Variants in RBPJ observed in about 807,000 individuals in gnomAD.
RBPJ encodes recombining binding protein suppressor of hairless.
A neutral mutation model predicts 67.8 loss-of-function variants in RBPJ; 9 were observed. The observed-to-expected ratio is 0.13, with a 90% CI of 0.08 to 0.23. The LOEUF is 0.23. RBPJ is among the 10% of genes least tolerant of loss of function. RBPJ has a pLI of 1.00. For synonymous variants in RBPJ, 198 were observed against 203.3 expected, an observed-to-expected ratio of 0.97 and a Z score of 0.22; for missense variants, 305 against 595.6, an observed-to-expected ratio of 0.51 and a Z score of 5.08.
intron 1 of RBPJ, among the ~76,000 whole-genome samples, chr4:26,186,179 C>G (rs1264694965): frequency 1.4e-5 from 2 of 145,154 alleles, no homozygotes; most frequent in Non-Finnish European, 3.0e-5. Context: ...TCTTTCTGCT[C>G]CCCCCTTTTT....
chr4:26,138,411 G>A, the RBPJ span, among the ~76,000 whole-genome samples: 1 of 151,710 alleles, frequency 6.6e-6, no homozygotes, highest in African/African-American at 2.4e-5. Context: ...AAAGAGGAGA[G>A]GATGCGAAAA....
At chr4:26,175,819 T>G (rs1489158000) in intron 1 of RBPJ, among the ~76,000 whole-genome samples, 3 of 151,996 alleles carry the variant, frequency 2.0e-5, no homozygotes, top group Non-Finnish European at 4.4e-5. Flanking sequence ...ACTCTCTTAC[T>G]GTTATTGGGT....
At chr4:26,394,088 G>A (rs964517708) in intron 2 of RBPJ, among the ~76,000 whole-genome samples, 9 of 150,234 alleles carry the variant, frequency 6.0e-5, no homozygotes, top group Non-Finnish European at 1.2e-4. Context: ...GTGCAGTGGC[G>A]CGATCTCTGC....
chr4:26,198,278 A>G (rs1473104351), intron 1 of RBPJ, among the ~76,000 whole-genome samples: 1 of 151,884 alleles, frequency 6.6e-6, no homozygotes, highest in African/African-American at 2.4e-5. Context: ...ACAAAAAAAC[A>G]AAAAAACAAA....
chr4:26,209,096 A>ATATAT (rs1344233126), intron 1 of RBPJ, among the ~76,000 whole-genome samples: 28 of 90,170 alleles, frequency 3.1e-4, no homozygotes, highest in East Asian at 1.2e-3. Flanking sequence ...CAGAAGAAAA[A>ATATAT]AAATATATAT....
chr4:26,422,904 A>G (rs2109813791), intron 5 of RBPJ, among the ~76,000 whole-genome samples: 1 of 152,176 alleles, frequency 6.6e-6, no homozygotes, highest in South Asian at 2.1e-4. Flanking sequence ...TTTAAAAATC[A>G]GATTGCTTGA....
the RBPJ span, among the ~76,000 whole-genome samples, chr4:26,114,586 A>C: frequency 6.6e-6 from 1 of 151,688 alleles, no homozygotes; most frequent in African/African-American, 2.4e-5. Flanking sequence ...TCATTTCCAT[A>C]TTGCAACCCA....
chr4:26,130,554 C>A, the RBPJ span, among the ~76,000 whole-genome samples: 2 of 152,102 alleles, frequency 1.3e-5, no homozygotes, highest in Non-Finnish European at 2.9e-5. Context: ...CTGCAGCAAC[C>A]GAGTCCTGCC....
rs141318156 is a variant in RBPJ, at chr4:26,310,718, G to A, written c.-166-51728G>A. Reference sequence around the variant, plus strand: ...AGAGTCTTGCTCTGTCACCCAGGCTGGAGCGCAATGGCACGATCTTGGCTC... The same window carrying A: ...AGAGTCTTGCTCTGTCACCCAGGCTAGAGCGCAATGGCACGATCTTGGCTC... On this transcript the variant is annotated intron_variant, in intron 1 of 4. Transcript: ENST00000512351. Among the ~76,000 whole-genome samples, 1,477 of 148,104 alleles carry A rather than the reference G, an allele frequency of 1.0e-2. 24 individuals are homozygous for A. Among genetic ancestry groups the A allele is most frequent in the African/African-American group, 0.035 (1,409 of 40,044 alleles).
At chr4:26,327,855 T>C (rs1723799048) in intron 1 of RBPJ, among the ~76,000 whole-genome samples, 1 of 151,926 alleles carries the variant, frequency 6.6e-6, no homozygotes, top group Admixed American at 6.6e-5. Flanking sequence ...AAAAAAAAAG[T>C]TTTTCACTCT....
At chr4:26,312,951 C>A (rs946583020) in intron 1 of RBPJ, among the ~76,000 whole-genome samples, 7 of 152,180 alleles carry the variant, frequency 4.6e-5, no homozygotes, top group Admixed American at 3.3e-4. Flanking sequence ...GACAGGTTCT[C>A]TCTCTGTCTC....
intron 7 of RBPJ, among the ~76,000 whole-genome samples, chr4:26,425,645 A>G (rs1735572442): frequency 6.6e-6 from 1 of 152,120 alleles, no homozygotes; most frequent in Admixed American, 6.5e-5. Context: ...AATTGTAAAA[A>G]CTACTTTTGT....
rs574786513 is a variant in RBPJ, at chr4:26,331,103, G to A, written c.20+10055G>A. On this transcript the variant is annotated intron_variant, in intron 1 of 10. Transcript: ENST00000355476. ...TTGTTTTAGGGGGAGGGGAAGGCCT[G>A]TGTTAGTCTTTTGTTTTTGAAACAG... Among the ~76,000 whole-genome samples, 127 of 152,284 alleles carry A rather than the reference G, an allele frequency of 8.3e-4. 1 individual carries two copies. Among genetic ancestry groups the A allele is most frequent in the African/African-American group, 3.0e-3 (125 of 41,566 alleles).
chr4:26,182,771 T>A (rs1025120143), intron 1 of RBPJ, among the ~76,000 whole-genome samples: 1 of 152,140 alleles, frequency 6.6e-6, no homozygotes, highest in Non-Finnish European at 1.5e-5. Flanking sequence ...AGTACTGCGA[T>A]TACCGGTGTG....
chr4:26,175,319 C>T (rs939843247), intron 1 of RBPJ, among the ~76,000 whole-genome samples: 14 of 151,890 alleles, frequency 9.2e-5, no homozygotes, highest in Admixed American at 5.9e-4. Flanking sequence ...GTGCATGACT[C>T]GGGAGAGCAG....
chr4:26,279,972 G>A (rs1054147398), intron 1 of RBPJ, among the ~76,000 whole-genome samples: 1 of 151,532 alleles, frequency 6.6e-6, no homozygotes, highest in Non-Finnish European at 1.5e-5. Flanking sequence ...AATTTTTGCA[G>A]AGACAGGTTT....
intron 1 of RBPJ, among the ~76,000 whole-genome samples, chr4:26,359,112 A>G (rs1219538130): frequency 1.3e-5 from 2 of 152,168 alleles, no homozygotes; most frequent in African/African-American, 2.4e-5. Flanking sequence ...AGGTACAGGA[A>G]TGTACACATC....
chr4:26,281,184 A>G (rs73114543), intron 1 of RBPJ, among the ~76,000 whole-genome samples: 12,869 of 152,214 alleles, frequency 0.085, 808 homozygotes, highest in African/African-American at 0.17. Flanking sequence ...ATTGACTCAC[A>G]GTTCCGCAGG....
At chr4:26,172,530 T>C (rs532279915) in intron 1 of RBPJ, among the ~76,000 whole-genome samples, 2 of 152,346 alleles carry the variant, frequency 1.3e-5, no homozygotes, top group South Asian at 4.1e-4. Context: ...ATTTTATCAA[T>C]GTAGCGTTCT....
Sources: allele counts gnomAD v4.1 joint callset (sites outside exome capture counted in the v4.1 genomes callset), GRCh38; gene constraint gnomAD v4.1.1; transcripts MANE v1.5; gene names NCBI Gene and HGNC (gene_info 2026-07-23, HGNC 2026-07-21).